Variants in ACTR3C observed in about 807,000 individuals in gnomAD.
ACTR3C encodes the protein actin-related protein 3C.
In ACTR3C, 18 loss-of-function variants were observed where a neutral mutation model predicts 26.3. That is an observed-to-expected ratio of 0.68 (90% CI 0.47 to 1.01). ACTR3C has a LOEUF of 1.01. Ranked by LOEUF, ACTR3C falls within the 50% of genes least tolerant of loss-of-function variation. The pLI, the probability that ACTR3C is intolerant of heterozygous loss-of-function variation, is 0.00. For synonymous variants in ACTR3C, 55 were observed against 94.5 expected (o/e 0.58, Z 2.42); for missense variants, 184 against 250.7 (o/e 0.73, Z 1.80).
the ACTR3C span, among the ~76,000 whole-genome samples, chr7:150,160,850 T>A: frequency 6.7e-6 from 1 of 149,792 alleles, no homozygotes; most frequent in Non-Finnish European, 1.5e-5. Context: ...AATTAATGTA[T>A]GATTTATACA....
intron 6 of ACTR3C, among the ~76,000 whole-genome samples, chr7:150,259,409 A>G (rs1174983777): frequency 6.6e-6 from 1 of 152,212 alleles, no homozygotes; most frequent in Non-Finnish European, 1.5e-5. Context: ...TCAAAAACGA[A>G]TATCTGACCC....
the ACTR3C span, among the ~76,000 whole-genome samples, chr7:150,129,748 C>T: frequency 6.6e-6 from 1 of 152,202 alleles, no homozygotes; most frequent in Admixed American, 6.5e-5. Context: ...ATGTTACTAA[C>T]ATGCCAATTC....
At chr7:149,912,060 T>C in the ACTR3C span, among the ~76,000 whole-genome samples, 1 of 151,378 alleles carries the variant, frequency 6.6e-6, no homozygotes, top group Non-Finnish European at 1.5e-5. Context: ...CAAAAAGCAA[T>C]TTGTTCTGTA....
At chr7:150,231,432 C>T in the ACTR3C span, among the ~76,000 whole-genome samples, 2 of 151,660 alleles carry the variant, frequency 1.3e-5, no homozygotes, top group African/African-American at 4.9e-5. Flanking sequence ...TGACCCCTCC[C>T]TCTTCTCTCT....
chr7:150,049,011 G>A, the ACTR3C span, among the ~76,000 whole-genome samples: 2 of 151,992 alleles, frequency 1.3e-5, no homozygotes, highest in Admixed American at 1.3e-4. Context: ...TCGGCTCTCC[G>A]GCTGCCCGCA....
At chr7:150,012,317 C>CTTTTTTTTTTTTTTTTTTTTTTTTTT in the ACTR3C span, among the ~76,000 whole-genome samples, 20 of 131,268 alleles carry the variant, frequency 1.5e-4, 9 homozygotes, top group South Asian at 5.1e-4. Flanking sequence ...ATAAATGCAT[C>CTTTTTTTTTTTTTTTTTTTTTTTTTT]TTTTTTTTTT....
At chr7:149,995,098 G>A in the ACTR3C span, among the ~76,000 whole-genome samples, 17 of 152,112 alleles carry the variant, frequency 1.1e-4, no homozygotes, top group African/African-American at 3.9e-4. Context: ...CAGGTGATCC[G>A]CCCGCCTCAG....
the ACTR3C span, among the ~76,000 whole-genome samples, chr7:150,098,359 A>G: frequency 6.6e-6 from 1 of 151,640 alleles, no homozygotes; most frequent in Non-Finnish European, 1.5e-5. Context: ...TCTACAAATT[A>G]TATTATATAG....
At chr7:149,919,530 G>A in the ACTR3C span, among the ~76,000 whole-genome samples, 1 of 152,126 alleles carries the variant, frequency 6.6e-6, no homozygotes, top group Non-Finnish European at 1.5e-5. Flanking sequence ...GTGAGCCACC[G>A]CGTCTGGCCC....
the ACTR3C span, among the ~76,000 whole-genome samples, chr7:150,070,252 G>A: frequency 5.5e-4 from 84 of 152,252 alleles, no homozygotes; most frequent in Non-Finnish European, 9.4e-4. Flanking sequence ...TAAGAACAAG[G>A]ACCAGGTCTC....
the ACTR3C span, among the ~76,000 whole-genome samples, chr7:149,950,248 T>A: frequency 8.0e-6 from 1 of 124,958 alleles, no homozygotes; most frequent in Non-Finnish European, 1.6e-5. Flanking sequence ...CATTTGCTGA[T>A]GGCAACATGA....
At chr7:150,299,006 A>G in intron 1 of ACTR3C, among the ~76,000 whole-genome samples, 1 of 119,646 alleles carries the variant, frequency 8.4e-6, no homozygotes, top group Admixed American at 9.9e-5. Context: ...TTTGAGACAG[A>G]GTCTCACTCT....
the ACTR3C span, among the ~76,000 whole-genome samples, chr7:150,199,070 C>T: frequency 2.0e-5 from 3 of 148,402 alleles, no homozygotes; most frequent in African/African-American, 7.9e-5. Flanking sequence ...AAGTGAGGAG[C>T]CCCTCTGCCC....
At chr7:150,308,520 C>G (rs1273895524) in intron 1 of ACTR3C, among the ~76,000 whole-genome samples, 1 of 152,108 alleles carries the variant, frequency 6.6e-6, no homozygotes, top group Non-Finnish European at 1.5e-5. Flanking sequence ...CCCTCCCTAG[C>G]CTCTGCTCCC....
At chr7:149,953,029 A>G in the ACTR3C span, among the ~76,000 whole-genome samples, 17 of 151,208 alleles carry the variant, frequency 1.1e-4, no homozygotes, top group Admixed American at 9.2e-4. Flanking sequence ...GCACAAAGGT[A>G]TATGTGCTAT....
chr7:149,911,910 T>C, the ACTR3C span, among the ~76,000 whole-genome samples: 78 of 150,892 alleles, frequency 5.2e-4, no homozygotes, highest in African/African-American at 1.8e-3. Flanking sequence ...GATAATAGAC[T>C]GAGGCAAGAG....
the ACTR3C span, among the ~76,000 whole-genome samples, chr7:149,926,537 A>C: frequency 0.011 from 1,626 of 152,284 alleles, 32 homozygotes; most frequent in African/African-American, 0.037. Context: ...TTGGGCCCTG[A>C]GTCTCTGAGG....
chr7:150,006,249 T>A, the ACTR3C span, among the ~76,000 whole-genome samples: 177 of 130,788 alleles, frequency 1.4e-3, 1 homozygote, highest in African/African-American at 5.1e-3. Flanking sequence ...CAGGCTGGAG[T>A]GCAGTGGCGC....
At chr7:150,109,751 C>G in the ACTR3C span, among the ~76,000 whole-genome samples, 1 of 150,058 alleles carries the variant, frequency 6.7e-6, no homozygotes, top group African/African-American at 2.5e-5. Context: ...CAACCTTGAC[C>G]GTTTAATAAC....
Sources: allele counts gnomAD v4.1 joint callset (sites outside exome capture counted in the v4.1 genomes callset), GRCh38; gene constraint gnomAD v4.1.1; transcripts MANE v1.5; gene names NCBI Gene and HGNC (gene_info 2026-07-23, HGNC 2026-07-21).